CDK15: variants seen among roughly 807,000 people sequenced by gnomAD.
CDK15 encodes cyclin dependent kinase 15.
A neutral mutation model predicts 60.3 loss-of-function variants in CDK15; 62 were observed. That is an observed-to-expected ratio of 1.03 (90% confidence interval 0.84 to 1.27). The LOEUF (loss-of-function observed/expected upper bound fraction) is 1.27, where lower values mean the gene tolerates loss of function less well. Among genes scored for constraint, CDK15 ranks in the 50% most tolerant of loss-of-function variants. The pLI is 0.00. For missense variants in CDK15, 541 were observed against 527.8 expected (o/e 1.03, Z -0.25); for synonymous variants, 194 against 195.7 (o/e 0.99, Z 0.07).
chr2:201,836,053 A>AT (rs1559126082), intron 8 of CDK15, among the ~76,000 whole-genome samples: 4 of 10,922 alleles, frequency 3.7e-4, no homozygotes, highest in Non-Finnish European at 8.6e-4. Flanking sequence ...ATATTTATAT[A>AT]TATATTATAT....
chr2:201,818,302 C>A (rs558243220), intron 4 of CDK15, among the ~76,000 whole-genome samples: 2 of 152,104 alleles, frequency 1.3e-5, no homozygotes, highest in African/African-American at 4.8e-5. Context: ...TCCTCTGGAG[C>A]CTTAAAGACA....
intron 10 of CDK15, among the ~76,000 whole-genome samples, chr2:201,856,660 G>A (rs1214579935): frequency 6.6e-6 from 1 of 152,128 alleles, no homozygotes; most frequent in Non-Finnish European, 1.5e-5. Context: ...ACTTCTCCCT[G>A]TCCACTCTGT....
In CDK15 at chr2:201,887,043, A is replaced by G. The variant is rs183201865; in HGVS notation, c.1199-3742A>G. On this transcript the variant is annotated intron_variant, in intron 12 of 13. Coordinates refer to ENST00000652192, the MANE Select transcript of CDK15 (RefSeq NM_001366386.2). ...GGGGGAAAACCCTAAAACCTAGATTAATGAAAATGTTCATTGCAGTGTTGT... is the reference window on the plus strand; with the variant it reads ...GGGGGAAAACCCTAAAACCTAGATTGATGAAAATGTTCATTGCAGTGTTGT... 5.4e-4 allele frequency among the ~76,000 whole-genome samples: 82 copies of G among 152,368 alleles called. 1 individual carries two copies. The highest frequency in any genetic ancestry group is 3.4e-3 in the Admixed American group (52 of 15,306).
At chr2:201,814,250 C>A (rs1695896004) in intron 4 of CDK15, among the ~76,000 whole-genome samples, 1 of 152,158 alleles carries the variant, frequency 6.6e-6, no homozygotes, top group Non-Finnish European at 1.5e-5. Flanking sequence ...CTAAATGTTT[C>A]TTTCATTGCA....
At chr2:201,810,689 G>T (rs1054071163) in intron 3 of CDK15, among the ~76,000 whole-genome samples, 2 of 152,070 alleles carry the variant, frequency 1.3e-5, no homozygotes, top group African/African-American at 2.4e-5. Flanking sequence ...TTAAGTGTGG[G>T]TCATTCATAG....
intron 8 of CDK15, among the ~76,000 whole-genome samples, chr2:201,835,999 TA>T (rs1473879098): frequency 2.9e-3 from 68 of 23,550 alleles, no homozygotes; most frequent in African/African-American, 5.1e-3. Context: ...TATTTATATA[TA>T]TTTATATTTT....
Position 201,873,552 on chromosome 2 carries a change from C to T in CDK15, c.1058+1226C>T, listed in dbSNP as rs76686953. On this transcript the variant is annotated intron_variant, in intron 11 of 13. Coordinates refer to ENST00000652192, the MANE Select transcript of CDK15 (RefSeq NM_001366386.2). ...GCTGCTGCTGCAGCTGCCCCTGTCC[C>T]ATGGCAGAAGATAGTTCACCAGCCT... Among the ~76,000 whole-genome samples the T allele has an allele frequency of 3.3e-5, 5 of 152,194 alleles. No individual in the cohort carries two copies. The South Asian group carries it at 1.0e-3, about 32-fold the overall frequency.
Position 201,833,955 on chromosome 2 carries a change from C to A in CDK15, c.714C>A (p.Leu238=). ...TACTCATCAGTCACCTGGGAGAGCT[C>A]AAACTGGCTGATTTTGGTAAGTCGC... ...QNLLISHLGE[L]KLADFGLARA... Residue 238 remains leucine, a synonymous_variant, in exon 7 of 14, where the codon CTC becomes CTA. Coordinates refer to ENST00000652192, the MANE Select transcript of CDK15 (RefSeq NM_001366386.2). The A allele has an allele frequency of 6.2e-7, 1 of 1,613,734 alleles. No individual in the cohort carries two copies. The highest frequency in any genetic ancestry group is 1.1e-5 in the South Asian group (1 of 91,008).
At chr2:201,879,728 TTTATAA>T (rs1194432590) in intron 11 of CDK15, among the ~76,000 whole-genome samples, 1 of 152,144 alleles carries the variant, frequency 6.6e-6, no homozygotes, top group African/African-American at 2.4e-5. Flanking sequence ...TATATTTCTG[TTTATAA>T]TTATATTTCT....
chr2:201,806,542 C>A lies in CDK15; in HGVS notation c.-123C>A. The stretch of plus-strand genomic sequence containing the variant: ...GTTGTGAGGCTGCTCCAGGCAGAGC[C>A]ATCATGTGAGTCATATGAAAGCTCC... On this transcript the variant is annotated 5_prime_UTR_variant, in exon 1 of 14. Transcript: ENST00000652192. 8.8e-7 allele frequency: 1 copy of A among 1,142,178 alleles called. No homozygotes were observed. Among genetic ancestry groups the A allele is most frequent in the Non-Finnish European group, 1.2e-6 (1 of 852,592 alleles). 70.8% of individuals were successfully genotyped at this position (1,142,178 alleles called of 1,614,324 possible). A position where few individuals can be genotyped will look rare whatever the true frequency, so the allele number is the denominator to read the frequency against.
intron 8 of CDK15, among the ~76,000 whole-genome samples, 173 bp downstream of exon 8, chr2:201,835,936 A>G (rs1401642722): frequency 7.7e-6 from 1 of 129,138 alleles, no homozygotes; most frequent in African/African-American, 2.9e-5. Context: ...TATTTTATAT[A>G]TTTATATATT....
chr2:201,868,548 C>A (rs1698723729), intron 10 of CDK15, among the ~76,000 whole-genome samples: 1 of 152,154 alleles, frequency 6.6e-6, no homozygotes, highest in Non-Finnish European at 1.5e-5. Flanking sequence ...TTCATTGGTT[C>A]GCTTCAGGTG....
chr2:201,865,603 G>A (rs1698589110), intron 10 of CDK15, among the ~76,000 whole-genome samples: 2 of 152,058 alleles, frequency 1.3e-5, no homozygotes. Context: ...CTAAAGCTCG[G>A]GAAGGGCCAG....
chr2:201,856,388 T>C (rs547975972), intron 10 of CDK15, among the ~76,000 whole-genome samples: 1 of 152,338 alleles, frequency 6.6e-6, no homozygotes, highest in East Asian at 1.9e-4. Flanking sequence ...GCTTTGTGAA[T>C]GGTTATATCT....
chr2:201,806,623 G>T lies in CDK15; in HGVS notation c.-42G>T. Reference sequence around the variant, plus strand: ...AACAAGGATAGGAGAGGCAGTGGGGGAAAGGTTCAAGTGCGGGTTTTCTCC... The same window carrying T: ...AACAAGGATAGGAGAGGCAGTGGGGTAAAGGTTCAAGTGCGGGTTTTCTCC... On this transcript the variant is annotated 5_prime_UTR_variant, in exon 1 of 14. Transcript: ENST00000652192. 1 of 1,534,582 alleles carries T rather than the reference G, an allele frequency of 6.5e-7. No individual in the cohort carries two copies. The highest frequency in any genetic ancestry group is 8.8e-7 in the Non-Finnish European group (1 of 1,139,684).
At chr2:201,833,737 C>G in intron 6 of CDK15, 111 bp from the exon 7 acceptor site, 35 of 480,330 alleles carry the variant, frequency 7.3e-5, no homozygotes, top group East Asian at 1.8e-4. Context: ...TTTTTTTGGT[C>G]TCTCAAGAGA....
intron 10 of CDK15, among the ~76,000 whole-genome samples, chr2:201,858,979 C>T (rs993331669): frequency 6.6e-6 from 1 of 152,128 alleles, no homozygotes; most frequent in Non-Finnish European, 1.5e-5. Context: ...CTAACTGAGG[C>T]GCCCGTGATT....
intron 7 of CDK15, among the ~76,000 whole-genome samples, chr2:201,835,210 C>T (rs1490278933): frequency 6.6e-6 from 1 of 152,126 alleles, no homozygotes; most frequent in Non-Finnish European, 1.5e-5. Context: ...GTATGGTGGC[C>T]CCATGCTATC....
At chr2:201,846,893 T>G (rs145897799) in intron 8 of CDK15, among the ~76,000 whole-genome samples, 4 of 152,338 alleles carry the variant, frequency 2.6e-5, no homozygotes, top group African/African-American at 9.6e-5. Flanking sequence ...TGTACAAGTA[T>G]GCTATATGAG....
Sources: allele counts gnomAD v4.1 joint callset (sites outside exome capture counted in the v4.1 genomes callset), GRCh38; gene constraint gnomAD v4.1.1; transcripts MANE v1.5; gene names NCBI Gene and HGNC (gene_info 2026-07-23, HGNC 2026-07-21).